The following ADARB1 variants were observed in gnomAD, a reference collection of about 807,000 sequenced individuals.
The protein encoded by ADARB1 is double-stranded RNA-specific editase 1.
Under a neutral mutation model 52.4 loss-of-function variants are expected in ADARB1, and 10 were observed. The observed-to-expected ratio is 0.19, with a 90% CI of 0.12 to 0.32. The LOEUF (loss-of-function observed/expected upper bound fraction) is 0.32. Among genes scored for constraint, ADARB1 ranks in the 10% least tolerant of loss-of-function variants. ADARB1 has a pLI of 1.00. For synonymous variants in ADARB1, 349 were observed against 371.1 expected, an observed-to-expected ratio of 0.94 and a Z score of 0.68; for missense variants, 643 against 922.3, an observed-to-expected ratio of 0.70 and a Z score of 3.92.
In ADARB1 at chr21:45,176,825, G is replaced by A. The variant is rs956015043; in HGVS notation, c.963+161G>A. The stretch of plus-strand genomic sequence containing the variant: ...TAAGTCTGGCTGCTTGATTTCCATG[G>A]CCATGTGGCCACTGAGAAGCCGTCT... On this transcript the variant is annotated intron_variant, in intron 4 of 10. Transcript: ENST00000348831. This position sits in a 1 kb window ranked among gnomAD's most constrained non-coding sequence, Gnocchi z 5.8. Among the ~76,000 whole-genome samples, 1 of 152,100 alleles carries A rather than the reference G, an allele frequency of 6.6e-6. No homozygotes were observed. Among genetic ancestry groups the A allele is most frequent in the Admixed American group, 6.5e-5 (1 of 15,284 alleles).
At chr21:45,130,959 C>G (rs902593472) in intron 2 of ADARB1, among the ~76,000 whole-genome samples, 11 of 152,166 alleles carry the variant, frequency 7.2e-5, no homozygotes, top group African/African-American at 2.7e-4. Flanking sequence ...TTGTTGAAGC[C>G]TGGAAAGCTT....
intron 1 of ADARB1, among the ~76,000 whole-genome samples, chr21:45,084,754 A>G (rs2086274862): frequency 6.6e-6 from 1 of 152,164 alleles, no homozygotes; most frequent in Non-Finnish European, 1.5e-5. Flanking sequence ...GGAAAGTTGC[A>G]TTTTATTCCT....
At chr21:45,139,090 T>C (rs922591845) in intron 2 of ADARB1, among the ~76,000 whole-genome samples, 1 of 152,048 alleles carries the variant, frequency 6.6e-6, no homozygotes, top group African/African-American at 2.4e-5. Flanking sequence ...CTGGCTAATT[T>C]TTGTAGTTTT....
chr21:45,084,986 C>T (rs1377641055), intron 1 of ADARB1, among the ~76,000 whole-genome samples: 1 of 152,140 alleles, frequency 6.6e-6, no homozygotes, highest in Non-Finnish European at 1.5e-5. Flanking sequence ...GGACCATGTG[C>T]AGTGAGCCCG....
chr21:45,153,240 A>G (rs2090389926), intron 2 of ADARB1, among the ~76,000 whole-genome samples: 1 of 152,044 alleles, frequency 6.6e-6, no homozygotes, highest in Non-Finnish European at 1.5e-5. Flanking sequence ...ATTAAAATCT[A>G]GATTTTTTTT....
At chr21:45,098,116 G>A (rs377495492) in intron 1 of ADARB1, among the ~76,000 whole-genome samples, 8 of 152,236 alleles carry the variant, frequency 5.3e-5, no homozygotes, top group Middle Eastern at 3.4e-3. Context: ...CTTCCCACCC[G>A]GGTGCTTGCC....
intron 2 of ADARB1, among the ~76,000 whole-genome samples, chr21:45,135,793 G>T (rs1304170453): frequency 6.6e-6 from 1 of 152,202 alleles, no homozygotes. Context: ...TGTGGCCACA[G>T]TCAAGAGGGC....
At position 45,180,338 on chromosome 21, in the gene ADARB1, T is replaced by G. The variant is rs2091884881; in HGVS notation, c.972T>G (p.Ala324=). ...CTGTGCTTCCCACACAGGTTTTAGC[T>G]GACGCTGTCTCACGCCTGGTCCTGG... ...GLQLHLPQVL[A]DAVSRLVLGK... is the part of the protein sequence containing the mutation. The change falls in exon 5 of 11, where the codon GCT becomes GCG. Residue 324 remains alanine (A), a synonymous_variant. Coordinates refer to ENST00000348831, the MANE Select transcript of ADARB1 (RefSeq NM_001112.4). 1 of 1,613,890 alleles carries G rather than the reference T, an allele frequency of 6.2e-7. No homozygotes were observed. The highest frequency in any genetic ancestry group is 1.3e-5 in the African/African-American group (1 of 75,044).
At position 45,146,972 on chromosome 21, in the gene ADARB1, G is replaced by A. The variant is rs199743410; in HGVS notation, c.-48+18399G>A. On this transcript the variant is annotated intron_variant, in intron 2 of 10. Transcript: ENST00000348831. Reference sequence around the variant, plus strand: ...CCTGTTAGGAGACCCCTGGGGCCTCGGCTGGAGAGACAGTGCAGCTAGTCC... The same window carrying A: ...CCTGTTAGGAGACCCCTGGGGCCTCAGCTGGAGAGACAGTGCAGCTAGTCC... 1.5e-4 allele frequency among the ~76,000 whole-genome samples: 23 copies of A among 152,238 alleles called. No individual in the cohort carries two copies. The East Asian group carries it at 4.2e-3, about 28-fold the overall frequency.
intron 2 of ADARB1, among the ~76,000 whole-genome samples, chr21:45,129,955 T>C (rs1054821303): frequency 6.6e-6 from 1 of 152,172 alleles, no homozygotes; most frequent in African/African-American, 2.4e-5. Context: ...GATGCTTTTT[T>C]TGGGGGGGTA....
At chr21:45,104,550 G>A (rs2087165199) in intron 1 of ADARB1, among the ~76,000 whole-genome samples, 3 of 152,184 alleles carry the variant, frequency 2.0e-5, no homozygotes, top group Non-Finnish European at 4.4e-5. Flanking sequence ...TGTTTCTCAA[G>A]AACAGAATCT....
chr21:45,151,150 G>A (rs200146835), intron 2 of ADARB1, among the ~76,000 whole-genome samples: 2 of 152,202 alleles, frequency 1.3e-5, no homozygotes. Flanking sequence ...GTACTGGCTT[G>A]AGCCACTGGG....
chr21:45,119,524 T>C (rs1601427339), intron 1 of ADARB1, among the ~76,000 whole-genome samples: 1 of 152,246 alleles, frequency 6.6e-6, no homozygotes, highest in Non-Finnish European at 1.5e-5. Flanking sequence ...TTAGGTACTT[T>C]TGATACAGAA....
At chr21:45,099,694 A>G (rs2086917566) in intron 1 of ADARB1, among the ~76,000 whole-genome samples, 1 of 152,230 alleles carries the variant, frequency 6.6e-6, no homozygotes. Context: ...ATTTTAAGTT[A>G]TGTAAATCCA....
intron 2 of ADARB1, among the ~76,000 whole-genome samples, chr21:45,129,924 A>G (rs2088826607): frequency 6.6e-6 from 1 of 152,198 alleles, no homozygotes. Context: ...GAGACCTTTA[A>G]AGGAGGCTTT....
intron 8 of ADARB1, among the ~76,000 whole-genome samples, chr21:45,190,624 G>A (rs886129700): frequency 2.2e-5 from 3 of 135,104 alleles, no homozygotes; most frequent in African/African-American, 7.6e-5. Context: ...CTAACAAGCT[G>A]GCTAAAAAAT....
rs759280487 is a variant in ADARB1 at position 45,220,856 on chromosome 21, C to T, written c.1768C>T (p.Arg590Trp). 2.5e-6 allele frequency: 4 copies of T among 1,613,306 alleles called. No individual in the cohort carries two copies. The highest frequency in any genetic ancestry group is 2.5e-6 in the Non-Finnish European group (3 of 1,179,844). Residue 590 changes from arginine to tryptophan, a missense_variant, in exon 10 of 11, where the codon CGG becomes TGG. Coordinates refer to ENST00000348831, the MANE Select transcript of ADARB1 (RefSeq NM_001112.4). The surrounding 1 kb of genome is among the most constrained non-coding windows in gnomAD (Gnocchi z 6.3). Reference sequence around the variant, plus strand: ...TTCAGGCATCAGCAATGCAGAAGCACGGCAGCCAGGGAAGGCCCCCAACTT... The same window carrying T: ...TTCAGGCATCAGCAATGCAGAAGCATGGCAGCCAGGGAAGGCCCCCAACTT... ...LLSGISNAEA[R>W]QPGKAPNFSV...
At chr21:45,197,467 T>C (rs1288639653) in intron 8 of ADARB1, among the ~76,000 whole-genome samples, 2 of 147,666 alleles carry the variant, frequency 1.4e-5, no homozygotes, top group Non-Finnish European at 3.0e-5. Context: ...GCCACTGCGC[T>C]CCAGCCTGGG....
At chr21:45,135,082 T>C (rs1002280230) in intron 2 of ADARB1, among the ~76,000 whole-genome samples, 31 of 152,172 alleles carry the variant, frequency 2.0e-4, no homozygotes, top group Admixed American at 2.0e-3. Flanking sequence ...ACAGAGACCA[T>C]AAGTGGTCTG....
Sources: gnomAD v4.1 joint callset for allele counts (sites outside exome capture counted in the v4.1 genomes callset) on GRCh38, gnomAD v4.1.1 for gene constraint, Gnocchi (gnomAD v3.1) non-coding constraint, MANE v1.5 for transcripts, NCBI Gene and HGNC (gene_info 2026-07-23, HGNC 2026-07-21) for gene names.